BRSK1: variants seen among roughly 807,000 people sequenced by gnomAD.
BRSK1 encodes BR serine/threonine kinase 1.
BRSK1 carries 17 observed loss-of-function variants against 86.2 expected under a neutral mutation model. That is an observed-to-expected ratio of 0.20 (90% confidence interval 0.14 to 0.30). The LOEUF (loss-of-function observed/expected upper bound fraction) is 0.30. Among genes scored for constraint, BRSK1 ranks in the 10% least tolerant of loss-of-function variants. The probability of loss-of-function intolerance (pLI) is 1.00; values close to 1 mark genes in which losing one functional copy is unlikely to be tolerated. For missense variants in BRSK1, 719 were observed against 1,071.9 expected (o/e 0.67, Z 4.60); for synonymous variants, 464 against 440.1 (o/e 1.05, Z -0.68).
In BRSK1 at chr19:55,304,653, A is replaced by G; in HGVS notation, c.1450A>G (p.Arg484Gly). 1 of 1,511,014 alleles carries G rather than the reference A, an allele frequency of 6.6e-7. No individual in the cohort carries two copies. The highest frequency in any genetic ancestry group is 8.8e-7 in the Non-Finnish European group (1 of 1,134,892). The allele number at this position is 1,511,014 out of a possible 1,614,324, so 93.6% of individuals were successfully genotyped here. A position where few individuals can be genotyped will look rare whatever the true frequency, so the allele number is the denominator to read the frequency against. The change falls in exon 14 of 19, where the codon AGG becomes GGG. Residue 484 changes from arginine (R) to glycine (G), a missense_variant. Around this residue, in one of 6 missense-constraint regions of BRSK1, gnomAD observed 143 missense variants for 120.1 expected, o/e 1.19. Coordinates refer to ENST00000309383, the MANE Select transcript of BRSK1 (RefSeq NM_032430.2). The surrounding 1 kb of genome is among the most constrained non-coding windows in gnomAD (Gnocchi z 5.2). ...KTQTLPSRGP[R>G]GGGAGEQPPP... ...GCAGACGCTGCCTTCTCGGGGCCCC[A>G]GGGGTGGGGGCGCCGGGGAGCAGCC...
intron 4 of BRSK1, among the ~76,000 whole-genome samples, chr19:55,290,547 T>G (rs1479848338): frequency 2.0e-5 from 3 of 152,202 alleles, no homozygotes; most frequent in African/African-American, 7.2e-5. Context: ...TGTGCCATGT[T>G]TTTACATTTT....
chr19:55,287,794 C>A lies in BRSK1; in HGVS notation c.317+495C>A, dbSNP rs2088341267. Among the ~76,000 whole-genome samples, 1 of 151,704 alleles carries A rather than the reference C, an allele frequency of 6.6e-6. No individual in the cohort carries two copies. The highest frequency in any genetic ancestry group is 6.6e-5 in the Admixed American group (1 of 15,266). On this transcript the variant is annotated intron_variant, in intron 3 of 18. Coordinates refer to ENST00000309383, the MANE Select transcript of BRSK1 (RefSeq NM_032430.2). This position sits in a 1 kb window ranked among gnomAD's most constrained non-coding sequence, Gnocchi z 5.3. The stretch of plus-strand genomic sequence containing the variant: ...CCTTAGGAGGTCTGAGTCACTATCT[C>A]AAAGTCAATCACCCGCCAGGAAGGA...
Position 55,294,370 on chromosome 19 carries a change from T to G in BRSK1, c.651T>G (p.Cys217Trp). Residue 217 changes from cysteine to tryptophan, a missense_variant, in exon 7 of 19, where the codon TGT (cysteine) becomes TGG (tryptophan). Physicochemically the swap from Cys to Trp is radical, Grantham distance 215. This residue lies in a region of BRSK1 where 75 missense variants were observed against 281.0 expected (regional missense o/e 0.27). Transcript: ENST00000309383. This position sits in a 1 kb window ranked among gnomAD's most constrained non-coding sequence, Gnocchi z 4.9. ...YDGRRADMWS[C>W]GVILFALLVG... The stretch of plus-strand genomic sequence containing the variant: ...GCCGCCGGGCAGACATGTGGAGCTG[T>G]GGAGTCATCCTCTTCGCCCTGCTCG... 6.2e-7 allele frequency: 1 copy of G among 1,614,124 alleles called. No individual in the cohort carries two copies. Among genetic ancestry groups the G allele is most frequent in the East Asian group, 2.2e-5 (1 of 44,884 alleles).
chr19:55,301,917 G>T (rs2088575662), intron 8 of BRSK1: 4 of 780,318 alleles, frequency 5.1e-6, no homozygotes, highest in Non-Finnish European at 8.7e-6. Flanking sequence ...CACTGCGCAT[G>T]CGGCAAAGTA....
At chr19:55,301,803 TC>T in intron 8 of BRSK1, 145 bp downstream of exon 8, 1 of 1,069,038 alleles carries the variant, frequency 9.4e-7, no homozygotes, top group Non-Finnish European at 1.3e-6. Context: ...CAGCCCAAGG[TC>T]CAGCACAGCT....
In BRSK1 at chr19:55,304,496, G is replaced by C; in HGVS notation, c.1348-55G>C. 6.7e-7 allele frequency: 1 copy of C among 1,484,138 alleles called. No individual in the cohort carries two copies. The highest frequency in any genetic ancestry group is 8.9e-7 in the Non-Finnish European group (1 of 1,119,274). The allele number at this position is 1,484,138 out of a possible 1,614,324, so 91.9% of individuals were successfully genotyped here. On this transcript the variant is annotated intron_variant, in intron 13 of 18. Coordinates refer to ENST00000309383, the MANE Select transcript of BRSK1 (RefSeq NM_032430.2). This position sits in a 1 kb window ranked among gnomAD's most constrained non-coding sequence, Gnocchi z 5.2. ...AGTGTGCGTGTGAGTGGGGCTCCTA[G>C]AGCCTCCTGGGAGTTGTAGTCCACT...
chr19:55,304,730 G>A lies in BRSK1; in HGVS notation c.1527G>A (p.Pro509=), dbSNP rs1478880474. 3.4e-6 allele frequency: 5 copies of A among 1,475,174 alleles called. No homozygotes were observed. Among genetic ancestry groups the A allele is most frequent in the Non-Finnish European group, 4.5e-6 (5 of 1,114,358 alleles). 91.4% of individuals were successfully genotyped at this position (1,475,174 alleles called of 1,614,324 possible). The change falls in exon 14 of 19, where the codon CCG becomes CCA. Residue 509 remains proline, a synonymous_variant. Transcript: ENST00000309383. This position sits in a 1 kb window ranked among gnomAD's most constrained non-coding sequence, Gnocchi z 5.2. The part of the protein sequence containing the change: ...STPLPGPPGS[P]RSSGGTPLHS... ...CCCTGCCCGGCCCCCCAGGCTCCCC[G>A]CGCTCCTCTGGCGGGACCCCCTTGC...
chr19:55,308,606 A>G lies in BRSK1; in HGVS notation c.2090-33A>G, dbSNP rs373108643. The G allele has an allele frequency of 1.3e-4, 205 of 1,566,230 alleles. No homozygotes were observed. The African/African-American group carries it at 2.3e-3, about 18-fold the overall frequency. ...ACGGCCTTCCCGGTCCTGGACCCCC[A>G]GTCAGTGTTTTTCTGCCCGCCTGTG... On this transcript the variant is annotated intron_variant, in intron 17 of 18. Transcript: ENST00000309383.
rs1055511675 is a variant in BRSK1, at chr19:55,294,545, A to C, written c.678+148A>C. ...GAGACAGAGTCTTGCCCCGTCGCCT[A>C]GGCTGGAGTGCAGTGGTGTGATCTC... On this transcript the variant is annotated intron_variant, in intron 7 of 18. Coordinates refer to ENST00000309383, the MANE Select transcript of BRSK1 (RefSeq NM_032430.2). The surrounding 1 kb of genome is among the most constrained non-coding windows in gnomAD (Gnocchi z 4.9). 5.9e-6 allele frequency: 6 copies of C among 1,019,578 alleles called. No homozygotes were observed. The African/African-American group carries it at 9.6e-5, about 16-fold the overall frequency. The allele number at this position is 1,019,578 out of a possible 1,614,324, so 63.2% of individuals were successfully genotyped here.
chr19:55,286,653 T>TG (rs572225801), intron 1 of BRSK1, among the ~76,000 whole-genome samples: 16 of 42,226 alleles, frequency 3.8e-4, no homozygotes, highest in South Asian at 2.4e-3. Flanking sequence ...ACAGAGAAAG[T>TG]GGGGGGGCGG....
At chr19:55,300,681 A>G (rs1463954837) in intron 7 of BRSK1, among the ~76,000 whole-genome samples, 1 of 152,190 alleles carries the variant, frequency 6.6e-6, no homozygotes, top group East Asian at 1.9e-4. Context: ...TCTATTAAAA[A>G]TAAAAAAATT....
rs1324353068 is a variant in BRSK1 at position 55,304,816 on chromosome 19, C to G, written c.1613C>G (p.Pro538Arg). 1 of 1,580,094 alleles carries G rather than the reference C, an allele frequency of 6.3e-7. No homozygotes were observed. The highest frequency in any genetic ancestry group is 1.3e-5 in the African/African-American group (1 of 74,098). ...GGGACCCCGGGGACAACACCACCCC[C>G]CAGCCCCGGCGGTGGCGTCGGGGGA... ...PTGTPGTTPP[P>R]SPGGGVGGAA... Residue 538 changes from proline (P) to arginine (R), a missense_variant, in exon 14 of 19, where the codon CCC (proline) becomes CGC (arginine). Around this residue, in one of 6 missense-constraint regions of BRSK1, gnomAD observed 143 missense variants for 120.1 expected, o/e 1.19. Transcript: ENST00000309383. This position sits in a 1 kb window ranked among gnomAD's most constrained non-coding sequence, Gnocchi z 5.2.
intron 16 of BRSK1, 77 bp downstream of exon 16, chr19:55,305,663 T>C: frequency 6.3e-7 from 1 of 1,596,262 alleles, no homozygotes; most frequent in Non-Finnish European, 8.5e-7. Context: ...CTAACCACCT[T>C]AGCATAGGCC....
chr19:55,292,539 T>C (rs192176280), intron 4 of BRSK1, among the ~76,000 whole-genome samples: 77 of 152,010 alleles, frequency 5.1e-4, no homozygotes, highest in Non-Finnish European at 7.7e-4. Flanking sequence ...TTGTCTATTA[T>C]AAAAAGTTTC....
In BRSK1 at chr19:55,312,533, CAAAAAAAAA is replaced by C. The variant is rs372052269; in HGVS notation, c.*486_*494del. On this transcript the variant is annotated 3_prime_UTR_variant, in exon 19 of 19. Coordinates refer to ENST00000309383, the MANE Select transcript of BRSK1 (RefSeq NM_032430.2). ...TCCGTGTCTCTGATTCCGCCGGCGG[CAAAAAAAAA>C]AAAAAAAAAAAAAAAAAAAAGATAA... The C allele has an allele frequency of 1.3e-3, 33 of 25,744 alleles. No individual in the cohort carries two copies. In the South Asian group the frequency reaches 0.02, roughly 15 times the overall value. The allele number at this position is 25,744 out of a possible 1,614,324, so 1.6% of individuals were successfully genotyped here. A position where few individuals can be genotyped will look rare whatever the true frequency, so the allele number is the denominator to read the frequency against.
chr19:55,284,049 G>A lies in BRSK1; in HGVS notation c.-394G>A, dbSNP rs2088270468. 1 of 1,232,584 alleles carries A rather than the reference G, an allele frequency of 8.1e-7. No homozygotes were observed. Among genetic ancestry groups the A allele is most frequent in the South Asian group, 3.9e-5 (1 of 25,440 alleles). 76.4% of individuals were successfully genotyped at this position (1,232,584 alleles called of 1,614,324 possible). A position where few individuals can be genotyped will look rare whatever the true frequency, so the allele number is the denominator to read the frequency against. On this transcript the variant is annotated 5_prime_UTR_variant, in exon 1 of 19. Coordinates refer to ENST00000309383, the MANE Select transcript of BRSK1 (RefSeq NM_032430.2). ...AAAGGACGAGGTGGCGGGGGGAGGCGGAGAGGAGGAGGAGGCGGAGGAGAG... is the reference window on the plus strand; with the variant it reads ...AAAGGACGAGGTGGCGGGGGGAGGCAGAGAGGAGGAGGAGGCGGAGGAGAG...
chr19:55,291,803 T>C (rs1220704056), intron 4 of BRSK1, among the ~76,000 whole-genome samples: 2 of 152,186 alleles, frequency 1.3e-5, no homozygotes, highest in Non-Finnish European at 2.9e-5. Flanking sequence ...CTGTCACCCA[T>C]CCTGGAGTGC....
Position 55,284,164 on chromosome 19 carries a change from C to A in BRSK1, c.-279C>A. 4 of 819,968 alleles carry A rather than the reference C, an allele frequency of 4.9e-6. No homozygotes were observed. The highest frequency in any genetic ancestry group is 6.4e-6 in the Non-Finnish European group (4 of 627,834). The allele number at this position is 819,968 out of a possible 1,614,324, so 50.8% of individuals were successfully genotyped here. ...CCCCGGCGGGGGGAGGCGCAGGAAG[C>A]GGGGGGCCGGCCAGAAACGGGCTGG... is the stretch of plus-strand genomic sequence containing the variant. On this transcript the variant is annotated 5_prime_UTR_variant, in exon 1 of 19. Coordinates refer to ENST00000309383, the MANE Select transcript of BRSK1 (RefSeq NM_032430.2).
intron 1 of BRSK1, 24 bp from the exon 2 acceptor site, chr19:55,286,983 C>T: frequency 6.2e-7 from 1 of 1,612,668 alleles, no homozygotes; most frequent in Non-Finnish European, 8.5e-7. Flanking sequence ...CGGAACACCC[C>T]ACATTTTCAC....
Sources: allele counts gnomAD v4.1 joint callset (sites outside exome capture counted in the v4.1 genomes callset), GRCh38; gene constraint gnomAD v4.1.1; regional missense constraint gnomAD v4.1.1; non-coding constraint Gnocchi (gnomAD v3.1); transcripts MANE v1.5; gene names NCBI Gene and HGNC (gene_info 2026-07-23, HGNC 2026-07-21).